The following PARP14 variants were observed in gnomAD, a reference collection of about 807,000 sequenced individuals.
PARP14 encodes the protein protein mono-ADP-ribosyltransferase PARP14.
Under a neutral mutation model 154.2 loss-of-function variants are expected in PARP14, and 59 were observed. The observed-to-expected ratio is 0.38, with a 90% CI of 0.31 to 0.48. The LOEUF (loss-of-function observed/expected upper bound fraction) is 0.48, where lower values mean the gene tolerates loss of function less well. Among genes scored for constraint, PARP14 ranks in the 20% least tolerant of loss-of-function variants. The pLI is 0.98. For synonymous variants in PARP14, 720 were observed against 780.5 expected (o/e 0.92, Z 1.29); for missense variants, 1,734 against 2,131.6 (o/e 0.81, Z 3.67).
chr3:122,692,650 T>C, intron 4 of PARP14, 107 bp downstream of exon 4: 1 of 895,100 alleles, frequency 1.1e-6, no homozygotes, highest in Non-Finnish European at 1.6e-6. Context: ...TTCTAGTAGC[T>C]ACTAAGAGAG....
chr3:122,708,243 A>C lies in PARP14; in HGVS notation c.3594A>C (p.Lys1198Asn). 1 of 1,571,696 alleles carries C rather than the reference A, an allele frequency of 6.4e-7. No homozygotes were observed. The highest frequency in any genetic ancestry group is 8.7e-7 in the Non-Finnish European group (1 of 1,155,198). The change falls in exon 9 of 17, where the codon AAA (lysine) becomes AAC (asparagine). Residue 1198 changes from lysine (K) to asparagine (N), a missense_variant. By Grantham distance (94) the Lys-to-Asn change is moderately conservative. Transcript: ENST00000474629. ...CTAATGGAAATCTCGTCAGTGACAA[A>C]ATTCCGAAGGCTAAAGATACACAAG... is the stretch of plus-strand genomic sequence containing the variant. ...RRANGNLVSD[K>N]IPKAKDTQGF...
chr3:122,727,854 G>A lies in PARP14; in HGVS notation c.4984G>A (p.Ala1662Thr). The change falls in exon 16 of 17, where the codon GCA becomes ACA. Residue 1662 changes from alanine to threonine, a missense_variant. Physicochemically the swap from Ala to Thr is moderately conservative, Grantham distance 58 (BLOSUM62 0). Around this residue, in one of 2 missense-constraint regions of PARP14, gnomAD observed 1,646 missense variants for 1,976.0 expected, o/e 0.83. Coordinates refer to ENST00000474629, the MANE Select transcript of PARP14 (RefSeq NM_017554.3). ...TCCAGATCTCTGGAATAGCTACCAG[G>A]CAAAGAAAAAAACTATGGATGCCAA... is the stretch of plus-strand genomic sequence containing the variant. ...QNPDLWNSYQ[A>T]KKKTMDAKNG... 1 of 1,612,756 alleles carries A rather than the reference G, an allele frequency of 6.2e-7. No homozygotes were observed. The highest frequency in any genetic ancestry group is 1.3e-5 in the African/African-American group (1 of 74,964).
intron 2 of PARP14, 106 bp downstream of exon 2, chr3:122,685,424 C>A: frequency 9.5e-7 from 1 of 1,054,458 alleles, no homozygotes; most frequent in Non-Finnish European, 1.4e-6. Context: ...ATGAAGCAAA[C>A]TGCAGCGAGA....
intron 9 of PARP14, among the ~76,000 whole-genome samples, chr3:122,708,534 C>A (rs1174017854): frequency 6.6e-6 from 1 of 152,142 alleles, no homozygotes; most frequent in Non-Finnish European, 1.5e-5. Context: ...GAGAATGTGA[C>A]ATGTATTTTC....
In PARP14 at chr3:122,720,235, C is replaced by T. The variant is rs1268720276; in HGVS notation, c.4808-20C>T. On this transcript the variant is annotated intron_variant, in intron 14 of 16. Transcript: ENST00000474629. ...TGTACCGGGGATGTATGAGGGCATCCTCAAATGTCTCCTTTGCAGTTGACA... is the reference window on the plus strand; with the variant it reads ...TGTACCGGGGATGTATGAGGGCATCTTCAAATGTCTCCTTTGCAGTTGACA... 2 of 1,610,248 alleles carry T rather than the reference C, an allele frequency of 1.2e-6. No homozygotes were observed. Among genetic ancestry groups the T allele is most frequent in the South Asian group, 1.1e-5 (1 of 90,262 alleles).
intron 12 of PARP14, among the ~76,000 whole-genome samples, chr3:122,716,489 C>T (rs997676942): frequency 1.3e-5 from 2 of 152,120 alleles, no homozygotes; most frequent in African/African-American, 4.8e-5. Flanking sequence ...GAGCACTGAG[C>T]CCAGTGTGAG....
At chr3:122,683,722 T>C (rs1938285803) in intron 1 of PARP14, among the ~76,000 whole-genome samples, 1 of 152,226 alleles carries the variant, frequency 6.6e-6, no homozygotes. Flanking sequence ...GGAGATCATA[T>C]ACCCATATTA....
At position 122,729,306 on chromosome 3, in the gene PARP14, C is replaced by G. The variant is rs947860810; in HGVS notation, c.*709C>G. On this transcript the variant is annotated 3_prime_UTR_variant, in exon 17 of 17. Transcript: ENST00000474629. Reference sequence around the variant, plus strand: ...GCTCTGGGACTGCAGTGTACTTGCGCTCTGCACGGTCCAGGAGCTGTGATG... The same window carrying G: ...GCTCTGGGACTGCAGTGTACTTGCGGTCTGCACGGTCCAGGAGCTGTGATG... 5 of 152,680 alleles carry G rather than the reference C, an allele frequency of 3.3e-5. No homozygotes were observed. Among genetic ancestry groups the G allele is most frequent in the African/African-American group, 4.8e-5 (2 of 41,436 alleles). The allele number at this position is 152,680 out of a possible 1,614,324, so 9.5% of individuals were successfully genotyped here.
At chr3:122,690,107 G>A (rs958090049) in intron 3 of PARP14, among the ~76,000 whole-genome samples, 24 of 152,076 alleles carry the variant, frequency 1.6e-4, no homozygotes, top group Admixed American at 1.6e-3. Context: ...GGGACTCTTG[G>A]CCTGATTGTT....
Position 122,718,552 on chromosome 3 carries a change from T to C in PARP14, c.4401T>C (p.Phe1467=), listed in dbSNP as rs2107653487. ...GTGAAGATGAGTGCATCAAAGACTT[T>C]GATGAAAAGGAGTATCAGGAGTTGA... ...YTSEDECIKD[F]DEKEYQELNE... is the part of the protein sequence containing the mutation. Residue 1467 remains phenylalanine, a synonymous_variant, in exon 14 of 17, where the codon TTT becomes TTC. Transcript: ENST00000474629. The C allele has an allele frequency of 6.2e-7, 1 of 1,613,892 alleles. No individual in the cohort carries two copies.
chr3:122,718,444 GTGTGGTGAAAA>G lies in PARP14; in HGVS notation c.4297_4307del (p.Gly1433HisfsTer15). The G allele has an allele frequency of 6.2e-7, 1 of 1,613,910 alleles. No homozygotes were observed. The highest frequency in any genetic ancestry group is 8.5e-7 in the Non-Finnish European group (1 of 1,179,862). ...AAACAGAATCAGCAACTTTTCGGGT[GTGTGGTGAAAA>G]TGTCACGTGTGTGGAATATGCTATC... On this transcript the variant is annotated frameshift_variant, in exon 14 of 17. Transcript: ENST00000474629. LOFTEE classifies it high-confidence loss of function.
At chr3:122,720,194 A>G in intron 14 of PARP14, 61 bp from the exon 15 acceptor site, 1 of 1,521,568 alleles carries the variant, frequency 6.6e-7, no homozygotes, top group Admixed American at 1.8e-5. Context: ...GAACACAGAT[A>G]CTAAATGTTC....
intron 9 of PARP14, 101 bp downstream of exon 9, chr3:122,708,369 CAAT>C: frequency 1.5e-6 from 1 of 647,702 alleles, no homozygotes; most frequent in Non-Finnish European, 2.8e-6. Context: ...AAAAAAAAAT[CAAT>C]GAGTGACAAA....
At chr3:122,722,656 A>AT (rs775553831) in intron 15 of PARP14, 71 of 152,292 alleles carry the variant, frequency 4.7e-4, no homozygotes, top group Non-Finnish European at 7.5e-4. Flanking sequence ...TGAAAATAAC[A>AT]TAAAAAATGG....
At chr3:122,716,694 CT>C (rs1387103604) in intron 12 of PARP14, among the ~76,000 whole-genome samples, 1 of 152,182 alleles carries the variant, frequency 6.6e-6, no homozygotes, top group Admixed American at 6.6e-5. Context: ...CAGCTCTTGT[CT>C]TTTGACTAAG....
At position 122,727,802 on chromosome 3, in the gene PARP14, T is replaced by A; in HGVS notation, c.4942-10T>A. 2.5e-6 allele frequency: 4 copies of A among 1,574,746 alleles called. No homozygotes were observed. Among genetic ancestry groups the A allele is most frequent in the Non-Finnish European group, 2.6e-6 (3 of 1,154,986 alleles). On this transcript the variant is annotated splice_polypyrimidine_tract_variant and intron_variant, in intron 15 of 16. Transcript: ENST00000474629. Reference sequence around the variant, plus strand: ...GAACTGGCAGAATATTATCCTTTATTAATTTGCAGATTGAGAGGATCCAGA... The same window carrying A: ...GAACTGGCAGAATATTATCCTTTATAAATTTGCAGATTGAGAGGATCCAGA...
intron 1 of PARP14, among the ~76,000 whole-genome samples, chr3:122,684,261 T>C (rs763868304): frequency 1.3e-5 from 2 of 152,166 alleles, no homozygotes; most frequent in Non-Finnish European, 2.9e-5. Context: ...AAAAACTCCT[T>C]TTTTCCCTGA....
At chr3:122,685,515 T>C (rs1185165571) in intron 2 of PARP14, among the ~76,000 whole-genome samples, 197 bp downstream of exon 2, 1 of 150,972 alleles carries the variant, frequency 6.6e-6, no homozygotes, top group Non-Finnish European at 1.5e-5. Flanking sequence ...GGGTACTTTT[T>C]TTTTTTTTTT....
Position 122,718,067 on chromosome 3 carries a change from C to G in PARP14, c.4001-4C>G. 6.2e-7 allele frequency: 1 copy of G among 1,612,702 alleles called. No homozygotes were observed. The highest frequency in any genetic ancestry group is 1.1e-5 in the South Asian group (1 of 90,946). On this transcript the variant is annotated splice_region_variant and splice_polypyrimidine_tract_variant and intron_variant, in intron 12 of 16. Transcript: ENST00000474629. The stretch of plus-strand genomic sequence containing the variant: ...TTCAGCAATTTTATTATTTGCTTTT[C>G]CAGGAAATGCCAAACAACACCCAGA...
Sources: gnomAD v4.1 joint callset for allele counts (sites outside exome capture counted in the v4.1 genomes callset) on GRCh38, gnomAD v4.1.1 for gene constraint, gnomAD v4.1.1 regional missense constraint, MANE v1.5 for transcripts, NCBI Gene and HGNC (gene_info 2026-07-23, HGNC 2026-07-21) for gene names.